The following PIK3C3 variants were observed in gnomAD, a reference collection of about 807,000 sequenced individuals.
PIK3C3 encodes the protein PI3-kinase type 3.
In PIK3C3, 95 loss-of-function variants were observed where a neutral mutation model predicts 126.1. The observed-to-expected ratio is 0.75, with a 90% confidence interval of 0.64 to 0.89. The LOEUF is 0.89. PIK3C3 is among the 40% of genes least tolerant of loss of function. The pLI, the probability that PIK3C3 is intolerant of heterozygous loss-of-function variation, is 0.00. For synonymous variants in PIK3C3, 374 were observed against 360.0 expected, an observed-to-expected ratio of 1.04 and a Z score of -0.44; for missense variants, 829 against 1,063.2, an observed-to-expected ratio of 0.78 and a Z score of 3.06.
intron 24 of PIK3C3, among the ~76,000 whole-genome samples, chr18:42,073,938 A>G (rs1053859054): frequency 1.5e-4 from 23 of 152,220 alleles, no homozygotes; most frequent in African/African-American, 5.3e-4. Flanking sequence ...GTAAAGTACA[A>G]GCATTTTCTG....
intron 20 of PIK3C3, among the ~76,000 whole-genome samples, chr18:42,047,065 A>C (rs955622618): frequency 6.6e-6 from 1 of 152,200 alleles, no homozygotes; most frequent in Non-Finnish European, 1.5e-5. Flanking sequence ...TAATTCATGT[A>C]TATCCAGTTA....
At chr18:41,983,941 C>T (rs1598866990) in intron 4 of PIK3C3, among the ~76,000 whole-genome samples, 2 of 148,300 alleles carry the variant, frequency 1.3e-5, no homozygotes, top group Non-Finnish European at 1.5e-5. Context: ...GAAGTTAGGG[C>T]TAAATTATGC....
rs546902498 is a variant in PIK3C3 at position 42,062,722 on chromosome 18, G to T, written c.2433-2018G>T. On this transcript the variant is annotated intron_variant, in intron 22 of 24. Coordinates refer to ENST00000262039, the MANE Select transcript of PIK3C3 (RefSeq NM_002647.4). ...TCACTAGCCTTCATATCTCCTCTGA[G>T]ATATATCTGACATCTCTACTAAAAA... Among the ~76,000 whole-genome samples, 16 of 151,866 alleles carry T rather than the reference G, an allele frequency of 1.1e-4. 1 individual carries two copies. The South Asian group carries it at 3.4e-3, about 32-fold the overall frequency.
At chr18:42,014,254 G>A (rs925595768) in intron 11 of PIK3C3, among the ~76,000 whole-genome samples, 3 of 149,748 alleles carry the variant, frequency 2.0e-5, no homozygotes, top group African/African-American at 4.9e-5. Flanking sequence ...ATAGAAGGAC[G>A]GAGCATGCTA....
At chr18:41,996,811 G>C in intron 9 of PIK3C3, 81 bp downstream of exon 9, 1 of 746,996 alleles carries the variant, frequency 1.3e-6, no homozygotes, top group East Asian at 2.6e-5. Flanking sequence ...AAATGCCATG[G>C]AAATTGTTAT....
chr18:42,047,266 A>T (rs1984598231), intron 20 of PIK3C3, among the ~76,000 whole-genome samples: 1 of 152,176 alleles, frequency 6.6e-6, no homozygotes, highest in African/African-American at 2.4e-5. Context: ...TATTTTTCAA[A>T]ATTGTAGGAA....
intron 20 of PIK3C3, among the ~76,000 whole-genome samples, chr18:42,046,717 C>T (rs1984574410): frequency 6.6e-6 from 1 of 152,120 alleles, no homozygotes; most frequent in South Asian, 2.1e-4. Flanking sequence ...CTCAACGTTT[C>T]TGAGGATCAT....
chr18:42,050,493 C>T (rs893125306), intron 21 of PIK3C3: 3 of 152,142 alleles, frequency 2.0e-5, no homozygotes, highest in Non-Finnish European at 4.4e-5. Flanking sequence ...TTGTCCTTTC[C>T]TCTACTACCT....
At chr18:41,983,712 G>A (rs1443664812) in intron 4 of PIK3C3, among the ~76,000 whole-genome samples, 5 of 152,088 alleles carry the variant, frequency 3.3e-5, no homozygotes, top group Non-Finnish European at 5.9e-5. Flanking sequence ...TTCTTACACA[G>A]TGCAGCAAGT....
intron 4 of PIK3C3, among the ~76,000 whole-genome samples, chr18:41,985,446 A>G: frequency 6.6e-6 from 1 of 152,144 alleles, no homozygotes; most frequent in South Asian, 2.1e-4. Flanking sequence ...CAGACATGCA[A>G]ACAATTTCCA....
intron 24 of PIK3C3, among the ~76,000 whole-genome samples, chr18:42,077,229 T>A (rs1408110704): frequency 6.6e-6 from 1 of 152,240 alleles, no homozygotes; most frequent in African/African-American, 2.4e-5. Context: ...GTGGAGGGTC[T>A]TGCCTTGATG....
intron 22 of PIK3C3, among the ~76,000 whole-genome samples, chr18:42,059,333 C>T (rs1166834948): frequency 1.3e-5 from 2 of 152,168 alleles, no homozygotes; most frequent in African/African-American, 4.8e-5. Context: ...ATGAGAAAAT[C>T]AGTGCTCTTT....
At chr18:42,027,366 G>A (rs371783599) in intron 13 of PIK3C3, 77 bp from the exon 14 acceptor site, 66 of 709,220 alleles carry the variant, frequency 9.3e-5, no homozygotes, top group African/African-American at 5.1e-4. Context: ...ATCTGTTTTA[G>A]TGAAATGATA....
intron 13 of PIK3C3, among the ~76,000 whole-genome samples, chr18:42,024,994 A>G (rs1242355395): frequency 1.3e-5 from 2 of 151,590 alleles, no homozygotes; most frequent in African/African-American, 4.8e-5. Flanking sequence ...TTTTTAGTAT[A>G]GTAGAGACGG....
chr18:42,049,210 C>T (rs746500176), intron 20 of PIK3C3: 9 of 188,750 alleles, frequency 4.8e-5, no homozygotes, highest in South Asian at 1.6e-4. Flanking sequence ...GGATAATTGA[C>T]GGTTGACTTT....
At chr18:42,059,195 C>G (rs889653208) in intron 22 of PIK3C3, among the ~76,000 whole-genome samples, 14 of 152,176 alleles carry the variant, frequency 9.2e-5, no homozygotes, top group Non-Finnish European at 1.6e-4. Flanking sequence ...CTGACTAGGT[C>G]TTCATTGTAA....
At chr18:41,966,606 CTAAA>C (rs1374935294) in intron 3 of PIK3C3, among the ~76,000 whole-genome samples, 1 of 152,082 alleles carries the variant, frequency 6.6e-6, no homozygotes, top group Non-Finnish European at 1.5e-5. Context: ...AATAGCAAGA[CTAAA>C]TATAATGACA....
At position 42,038,349 on chromosome 18, in the gene PIK3C3, A is replaced by AT. The variant is rs993643388; in HGVS notation, c.1969-421dup. On this transcript the variant is annotated intron_variant, in intron 17 of 24. Coordinates refer to ENST00000262039, the MANE Select transcript of PIK3C3 (RefSeq NM_002647.4). ...TTTGATGATCAAAGTTAAATTAACT[A>AT]TTTTTTTTTTTGAGATGGAGTTTTG... 4.0e-3 allele frequency among the ~76,000 whole-genome samples: 591 copies of AT among 147,954 alleles called. 5 individuals carry two copies. The highest frequency in any genetic ancestry group is 0.013 in the African/African-American group (526 of 40,536).
chr18:41,981,697 C>T (rs1352510621), intron 4 of PIK3C3, among the ~76,000 whole-genome samples: 2 of 151,680 alleles, frequency 1.3e-5, no homozygotes, highest in Non-Finnish European at 2.9e-5. Flanking sequence ...TGGTGGCTCA[C>T]ACCTGTAATC....
Sources: gnomAD v4.1 joint callset for allele counts (sites outside exome capture counted in the v4.1 genomes callset) on GRCh38, gnomAD v4.1.1 for gene constraint, MANE v1.5 for transcripts, NCBI Gene and HGNC (gene_info 2026-07-23, HGNC 2026-07-21) for gene names.